The following GP1BA variants were observed in gnomAD, a reference collection of about 807,000 sequenced individuals.
The protein encoded by GP1BA is glycoprotein Ib platelet subunit alpha, also known as platelet glycoprotein Ib alpha chain.
A neutral mutation model predicts 5.6 loss-of-function variants in GP1BA; 3 were observed. That is an observed-to-expected ratio of 0.53 (90% CI 0.24 to 1.38). The LOEUF (loss-of-function observed/expected upper bound fraction) is 1.38, where lower values mean the gene tolerates loss of function less well. Ranked by LOEUF, GP1BA falls within the 40% of genes most tolerant of loss-of-function variation. The pLI, the probability that GP1BA is intolerant of heterozygous loss-of-function variation, is 0.16. For missense variants in GP1BA, 707 were observed against 801.4 expected (o/e 0.88, Z 1.42); for synonymous variants, 323 against 358.3 (o/e 0.90, Z 1.11).
chr17:4,932,574 C>G lies in GP1BA; in HGVS notation c.-6-25C>G. On this transcript the variant is annotated intron_variant, in intron 1 of 1. Coordinates refer to ENST00000329125, the MANE Select transcript of GP1BA (RefSeq NM_000173.7). This position sits in a 1 kb window ranked among gnomAD's most constrained non-coding sequence, Gnocchi z 4.8. ...ATGCTTCCAGGGGATGCAGGGGGAT[C>G]CACTCAAGGCTCCCTTGCCCACAGG... 1 of 1,597,138 alleles carries G rather than the reference C, an allele frequency of 6.3e-7. No individual in the cohort carries two copies. The highest frequency in any genetic ancestry group is 8.6e-7 in the Non-Finnish European group (1 of 1,169,102).
chr17:4,933,491 CAGAAG>C lies in GP1BA; in HGVS notation c.890_894del (p.Glu297GlyfsTer3). 6.2e-7 allele frequency: 1 copy of C among 1,613,878 alleles called. No homozygotes were observed. The highest frequency in any genetic ancestry group is 8.5e-7 in the Non-Finnish European group (1 of 1,179,846). ...GACACAGACCTATATGATTACTACC[CAGAAG>C]AGGACACTGAGGGCGATAAGGTGCG... is the stretch of plus-strand genomic sequence containing the variant. On this transcript the variant is annotated frameshift_variant, in exon 2 of 2. Transcript: ENST00000329125. LOFTEE classifies it low-confidence loss of function (END_TRUNC).
In GP1BA at chr17:4,932,522, G is replaced by A; in HGVS notation, c.-6-77G>A. The A allele has an allele frequency of 7.0e-7, 1 of 1,423,892 alleles. No individual in the cohort carries two copies. Among genetic ancestry groups the A allele is most frequent in the Non-Finnish European group, 9.4e-7 (1 of 1,063,544 alleles). 88.2% of individuals were successfully genotyped at this position (1,423,892 alleles called of 1,614,324 possible). On this transcript the variant is annotated intron_variant, in intron 1 of 1. Transcript: ENST00000329125. This position sits in a 1 kb window ranked among gnomAD's most constrained non-coding sequence, Gnocchi z 4.8. ...TGCTGTTTCTGGAAGCGAAGCTGCA[G>A]GGGGAAGGGGGCTGGGGCCTGGGGG...
chr17:4,932,512 C>A lies in GP1BA; in HGVS notation c.-6-87C>A. 1 of 1,347,058 alleles carries A rather than the reference C, an allele frequency of 7.4e-7. No homozygotes were observed. Among genetic ancestry groups the A allele is most frequent in the Non-Finnish European group, 9.9e-7 (1 of 1,013,498 alleles). 83.4% of individuals were successfully genotyped at this position (1,347,058 alleles called of 1,614,324 possible). On this transcript the variant is annotated intron_variant, in intron 1 of 1. Coordinates refer to ENST00000329125, the MANE Select transcript of GP1BA (RefSeq NM_000173.7). This position sits in a 1 kb window ranked among gnomAD's most constrained non-coding sequence, Gnocchi z 4.8. ...GAGGTGTGGATGCTGTTTCTGGAAG[C>A]GAAGCTGCAGGGGGAAGGGGGCTGG...
At position 4,932,463 on chromosome 17, in the gene GP1BA, G is replaced by GA; in HGVS notation, c.-7+98_-7+99insA. On this transcript the variant is annotated intron_variant, in intron 1 of 1. Transcript: ENST00000329125. This position sits in a 1 kb window ranked among gnomAD's most constrained non-coding sequence, Gnocchi z 4.8. ...AGTTTTAAGTTCTGCAGGCAAGGGTGGGAGATGGGAGTAGGGAGGACAGGA... is the reference window on the plus strand; with the variant it reads ...AGTTTTAAGTTCTGCAGGCAAGGGTGAGGAGATGGGAGTAGGGAGGACAGGA... 7.8e-7 allele frequency: 1 copy of GA among 1,284,616 alleles called. No individual in the cohort carries two copies. Among genetic ancestry groups the GA allele is most frequent in the Non-Finnish European group, 1.0e-6 (1 of 959,950 alleles). The allele number at this position is 1,284,616 out of a possible 1,614,324, so 79.6% of individuals were successfully genotyped here.
rs1970390037 is a variant in GP1BA, at chr17:4,934,257, G to A, written c.1653G>A (p.Leu551=). The A allele has an allele frequency of 6.2e-7, 1 of 1,613,800 alleles. No individual in the cohort carries two copies. Among genetic ancestry groups the A allele is most frequent in the African/African-American group, 1.3e-5 (1 of 75,048 alleles). The change falls in exon 2 of 2, where the codon CTG becomes CTA. Residue 551 remains leucine (L), a synonymous_variant. Coordinates refer to ENST00000329125, the MANE Select transcript of GP1BA (RefSeq NM_000173.7). ...LLFASVVLIL[L]LSWVGHVKPQ... is the part of the protein sequence containing the mutation. Reference sequence around the variant, plus strand: ...TTGCCTCTGTGGTCCTCATCCTGCTGCTGAGCTGGGTTGGGCATGTGAAAC... The same window carrying A: ...TTGCCTCTGTGGTCCTCATCCTGCTACTGAGCTGGGTTGGGCATGTGAAAC...
At position 4,934,143 on chromosome 17, in the gene GP1BA, G is replaced by A. The variant is rs1288591797; in HGVS notation, c.1539G>A (p.Glu513=). 3 of 1,613,730 alleles carry A rather than the reference G, an allele frequency of 1.9e-6. No homozygotes were observed. The highest frequency in any genetic ancestry group is 2.7e-5 in the African/African-American group (2 of 74,916). ...GTGGGGTGCTCCAAGGGCATTTGGA[G>A]AGCTCCAGAAATGACCCTTTTCTCC... ...KLRGVLQGHL[E]SSRNDPFLHP... is the part of the protein sequence containing the mutation. The change falls in exon 2 of 2, where the codon GAG becomes GAA. Residue 513 remains glutamate (E), a synonymous_variant. Coordinates refer to ENST00000329125, the MANE Select transcript of GP1BA (RefSeq NM_000173.7).
rs1044125523 is a variant in GP1BA at position 4,932,465 on chromosome 17, G to A, written c.-7+100G>A. The A allele has an allele frequency of 6.2e-6, 8 of 1,292,414 alleles. No individual in the cohort carries two copies. Among genetic ancestry groups the A allele is most frequent in the Non-Finnish European group, 8.3e-6 (8 of 967,880 alleles). 80.1% of individuals were successfully genotyped at this position (1,292,414 alleles called of 1,614,324 possible). On this transcript the variant is annotated intron_variant, in intron 1 of 1. Transcript: ENST00000329125. The surrounding 1 kb of genome is among the most constrained non-coding windows in gnomAD (Gnocchi z 4.8). ...TTTTAAGTTCTGCAGGCAAGGGTGG[G>A]AGATGGGAGTAGGGAGGACAGGAGG... is the stretch of plus-strand genomic sequence containing the variant.
rs555923635 is a variant in GP1BA, at chr17:4,934,452, T to A, written c.1848T>A (p.Asn616Lys). Residue 616 changes from asparagine (N) to lysine (K), a missense_variant, in exon 2 of 2, where the codon AAT becomes AAA. Physicochemically the swap from Asn to Lys is moderately conservative, Grantham distance 94 (BLOSUM62 0). Transcript: ENST00000329125. ...GCCTCTTCCTGTGGGTACGGCCTAA[T>A]GGCCGTGTGGGGCCTCTAGTGGCAG... ...RSSLFLWVRP[N>K]GRVGPLVAGR... The A allele has an allele frequency of 2.5e-6, 4 of 1,611,834 alleles. No individual in the cohort carries two copies. The South Asian group carries it at 4.4e-5, about 18-fold the overall frequency.
chr17:4,934,458 T>A lies in GP1BA; in HGVS notation c.1854T>A (p.Arg618=). 1 of 1,614,030 alleles carries A rather than the reference T, an allele frequency of 6.2e-7. No homozygotes were observed. The change falls in exon 2 of 2, where the codon CGT becomes CGA. Residue 618 remains arginine (R), a synonymous_variant. Coordinates refer to ENST00000329125, the MANE Select transcript of GP1BA (RefSeq NM_000173.7). ...TCCTGTGGGTACGGCCTAATGGCCG[T>A]GTGGGGCCTCTAGTGGCAGGAAGGA... ...SLFLWVRPNG[R]VGPLVAGRRP...
rs554661306 is a variant in GP1BA, at chr17:4,932,544, G to T, written c.-6-55G>T. The T allele has an allele frequency of 1.3e-6, 2 of 1,552,658 alleles. No individual in the cohort carries two copies. The highest frequency in any genetic ancestry group is 1.4e-5 in the African/African-American group (1 of 73,592). ...GCAGGGGGAAGGGGGCTGGGGCCTGGGGGGATGCTTCCAGGGGATGCAGGG... is the reference window on the plus strand; with the variant it reads ...GCAGGGGGAAGGGGGCTGGGGCCTGTGGGGATGCTTCCAGGGGATGCAGGG... On this transcript the variant is annotated intron_variant, in intron 1 of 1. Coordinates refer to ENST00000329125, the MANE Select transcript of GP1BA (RefSeq NM_000173.7). The surrounding 1 kb of genome is among the most constrained non-coding windows in gnomAD (Gnocchi z 4.8).
chr17:4,932,294 G>C lies in GP1BA; in HGVS notation c.-78G>C, dbSNP rs987727879. The C allele has an allele frequency of 1.6e-6, 2 of 1,223,748 alleles. No homozygotes were observed. The highest frequency in any genetic ancestry group is 2.1e-6 in the Non-Finnish European group (2 of 971,234). The allele number at this position is 1,223,748 out of a possible 1,614,324, so 75.8% of individuals were successfully genotyped here. ...ACTGGCTTAGTCCTCCATGGGGCTA[G>C]AAGAGAGAAGGACGGAGTCGAGTGG... On this transcript the variant is annotated 5_prime_UTR_variant, in exon 1 of 2. Transcript: ENST00000329125. The surrounding 1 kb of genome is among the most constrained non-coding windows in gnomAD (Gnocchi z 4.8).
chr17:4,933,096 C>T lies in GP1BA; in HGVS notation c.492C>T (p.Pro164=). The part of the protein sequence containing the change: ...TLPPGLLTPT[P]KLEKLSLANN... ...CCCCAGGGCTCCTGACGCCCACACC[C>T]AAGCTGGAGAAGCTCAGTCTGGCTA... is the stretch of plus-strand genomic sequence containing the variant. The change falls in exon 2 of 2, where the codon CCC becomes CCT. Residue 164 remains proline (P), a synonymous_variant. Coordinates refer to ENST00000329125, the MANE Select transcript of GP1BA (RefSeq NM_000173.7). 6.2e-7 allele frequency: 1 copy of T among 1,613,978 alleles called. No homozygotes were observed. Among genetic ancestry groups the T allele is most frequent in the Non-Finnish European group, 8.5e-7 (1 of 1,179,842 alleles).
In GP1BA at chr17:4,932,365, T is replaced by C; in HGVS notation, c.-7T>C. The stretch of plus-strand genomic sequence containing the variant: ...GCCTTCGGAGGTCTTTCTGCCTGCC[T>C]GTAAGCCGGGGTTGGTGCTGGGGCA... On this transcript the variant is annotated splice_region_variant and 5_prime_UTR_variant, in exon 1 of 2. Transcript: ENST00000329125. The surrounding 1 kb of genome is among the most constrained non-coding windows in gnomAD (Gnocchi z 4.8). 1 of 1,384,650 alleles carries C rather than the reference T, an allele frequency of 7.2e-7. No homozygotes were observed. The highest frequency in any genetic ancestry group is 9.4e-7 in the Non-Finnish European group (1 of 1,069,192). The allele number at this position is 1,384,650 out of a possible 1,614,324, so 85.8% of individuals were successfully genotyped here. A position where few individuals can be genotyped will look rare whatever the true frequency, so the allele number is the denominator to read the frequency against.
Position 4,932,995 on chromosome 17 carries a change from C to A in GP1BA, c.391C>A (p.Leu131Met). Residue 131 changes from leucine to methionine, a missense_variant, in exon 2 of 2, where the codon CTG becomes ATG. Around this residue, in one of 3 missense-constraint regions of GP1BA, gnomAD observed 442 missense variants for 498.8 expected, o/e 0.89. Coordinates refer to ENST00000329125, the MANE Select transcript of GP1BA (RefSeq NM_000173.7). The surrounding 1 kb of genome is among the most constrained non-coding windows in gnomAD (Gnocchi z 4.8). ...CGTCTCCTTCAACCGGCTGACCTCG[C>A]TGCCTCTTGGTGCCCTGCGTGGTCT... The part of the protein sequence containing the change: ...LDVSFNRLTS[L>M]PLGALRGLGE... 6.2e-7 allele frequency: 1 copy of A among 1,614,060 alleles called. No individual in the cohort carries two copies.
Position 4,932,843 on chromosome 17 carries a change from G to C in GP1BA, c.239G>C (p.Arg80Thr), listed in dbSNP as rs1567647756. The C allele has an allele frequency of 6.2e-7, 1 of 1,614,020 alleles. No homozygotes were observed. Among genetic ancestry groups the C allele is most frequent in the African/African-American group, 1.3e-5 (1 of 75,054 alleles). Residue 80 changes from arginine to threonine, a missense_variant, in exon 2 of 2, where the codon AGG (arginine) becomes ACG (threonine). Coordinates refer to ENST00000329125, the MANE Select transcript of GP1BA (RefSeq NM_000173.7). The surrounding 1 kb of genome is among the most constrained non-coding windows in gnomAD (Gnocchi z 4.8). ...YTRLTQLNLD[R>T]CELTKLQVDG... ...CGCCTCACTCAGCTGAACCTAGATAGGTGCGAGCTCACCAAGCTCCAGGTC... is the reference window on the plus strand; with the variant it reads ...CGCCTCACTCAGCTGAACCTAGATACGTGCGAGCTCACCAAGCTCCAGGTC...
In GP1BA at chr17:4,934,444, C is replaced by G. The variant is rs773598334; in HGVS notation, c.1840C>G (p.Arg614Gly). The G allele has an allele frequency of 6.2e-7, 1 of 1,614,048 alleles. No individual in the cohort carries two copies. The highest frequency in any genetic ancestry group is 1.7e-5 in the Admixed American group (1 of 60,020). The change falls in exon 2 of 2, where the codon CGG (arginine) becomes GGG (glycine). Residue 614 changes from arginine to glycine, a missense_variant. Around this residue, in one of 3 missense-constraint regions of GP1BA, gnomAD observed 247 missense variants for 246.6 expected, o/e 1.00. Coordinates refer to ENST00000329125, the MANE Select transcript of GP1BA (RefSeq NM_000173.7). ...CCGCTCCAGCCTCTTCCTGTGGGTA[C>G]GGCCTAATGGCCGTGTGGGGCCTCT... ...TFRSSLFLWV[R>G]PNGRVGPLVA...
In GP1BA at chr17:4,932,511, G is replaced by A. The variant is rs1970355882; in HGVS notation, c.-6-88G>A. The A allele has an allele frequency of 7.3e-7, 1 of 1,370,826 alleles. No individual in the cohort carries two copies. The highest frequency in any genetic ancestry group is 2.5e-5 in the East Asian group (1 of 39,798). 84.9% of individuals were successfully genotyped at this position (1,370,826 alleles called of 1,614,324 possible). A position where few individuals can be genotyped will look rare whatever the true frequency, so the allele number is the denominator to read the frequency against. On this transcript the variant is annotated intron_variant, in intron 1 of 1. Transcript: ENST00000329125. The surrounding 1 kb of genome is among the most constrained non-coding windows in gnomAD (Gnocchi z 4.8). ...GGAGGTGTGGATGCTGTTTCTGGAA[G>A]CGAAGCTGCAGGGGGAAGGGGGCTG...
rs1970374246 is a variant in GP1BA, at chr17:4,933,533, C to T, written c.929C>T (p.Thr310Ile). Residue 310 changes from threonine (T) to isoleucine (I), a missense_variant, in exon 2 of 2, where the codon ACT (threonine) becomes ATT (isoleucine). Physicochemically the swap from Thr to Ile is moderately conservative, Grantham distance 89. This residue lies in a region of GP1BA where 442 missense variants were observed against 498.8 expected (regional missense o/e 0.89). Coordinates refer to ENST00000329125, the MANE Select transcript of GP1BA (RefSeq NM_000173.7). The stretch of plus-strand genomic sequence containing the variant: ...GGCGATAAGGTGCGTGCCACAAGGA[C>T]TGTGGTCAAGTTCCCCACCAAAGCC... Reference protein sequence around the residue: ...TEGDKVRATRTVVKFPTKAHT... With the variant: ...TEGDKVRATRIVVKFPTKAHT... 1.9e-6 allele frequency: 3 copies of T among 1,613,740 alleles called. No homozygotes were observed. Among genetic ancestry groups the T allele is most frequent in the Non-Finnish European group, 2.5e-6 (3 of 1,179,820 alleles).
Position 4,935,019 on chromosome 17 carries a change from T to C in GP1BA, c.*456T>C, listed in dbSNP as rs746173054. On this transcript the variant is annotated 3_prime_UTR_variant, in exon 2 of 2. Transcript: ENST00000329125. ...ATTATCTGTATAATAAAAAATAATT[T>C]TAGGGTTGGGAGTGATGGCTCATGC... is the stretch of plus-strand genomic sequence containing the variant. 1.0e-4 allele frequency: 19 copies of C among 189,534 alleles called. No individual in the cohort carries two copies. The highest frequency in any genetic ancestry group is 2.1e-4 in the Non-Finnish European group (17 of 80,938). 11.7% of individuals were successfully genotyped at this position (189,534 alleles called of 1,614,324 possible).
Sources: gnomAD v4.1 joint callset for allele counts on GRCh38, gnomAD v4.1.1 for gene constraint, gnomAD v4.1.1 regional missense constraint, Gnocchi (gnomAD v3.1) non-coding constraint, MANE v1.5 for transcripts, NCBI Gene and HGNC (gene_info 2026-07-23, HGNC 2026-07-21) for gene names.